The following UVRAG variants were observed in gnomAD, a reference collection of about 807,000 sequenced individuals.
UVRAG encodes UV radiation resistance-associated gene protein.
In UVRAG, 19 loss-of-function variants were observed where a neutral mutation model predicts 78.0. That is an observed-to-expected ratio of 0.24 (90% CI 0.17 to 0.36). UVRAG has a LOEUF of 0.36. UVRAG is among the 10% of genes least tolerant of loss of function. The probability of loss-of-function intolerance (pLI) is 1.00; values close to 1 mark genes in which losing one functional copy is unlikely to be tolerated. For missense variants in UVRAG, 740 were observed against 853.8 expected (o/e 0.87, Z 1.66); for synonymous variants, 323 against 324.6 (o/e 1.00, Z 0.05).
intron 13 of UVRAG, among the ~76,000 whole-genome samples, chr11:76,077,293 G>A (rs906671778): frequency 5.9e-5 from 9 of 151,688 alleles, no homozygotes; most frequent in African/African-American, 1.9e-4. Context: ...ATAACATACT[G>A]CATTTTTCTA....
chr11:75,942,055 T>C (rs1948494900), intron 6 of UVRAG: 1 of 152,190 alleles, frequency 6.6e-6, no homozygotes, highest in Non-Finnish European at 1.5e-5. Context: ...GGGTGCCAGT[T>C]ATAATTCAGT....
intron 13 of UVRAG, among the ~76,000 whole-genome samples, chr11:76,087,933 G>A (rs1415030016): frequency 6.6e-6 from 1 of 152,186 alleles, no homozygotes; most frequent in African/African-American, 2.4e-5. Flanking sequence ...GGAGCGCAGT[G>A]GTGCAATCAC....
intron 6 of UVRAG, among the ~76,000 whole-genome samples, chr11:75,923,040 CT>C (rs1195408545): frequency 1.6e-5 from 2 of 125,122 alleles, no homozygotes; most frequent in African/African-American, 3.0e-5. Flanking sequence ...TTTTCTTTTT[CT>C]TTTTCTTTTT....
chr11:75,875,716 C>G (rs1417964789), intron 3 of UVRAG, among the ~76,000 whole-genome samples: 1 of 151,556 alleles, frequency 6.6e-6, no homozygotes, highest in East Asian at 1.9e-4. Context: ...TGGCAACTTT[C>G]CCTACAGACA....
At chr11:75,981,910 C>G (rs1949403090) in intron 7 of UVRAG, among the ~76,000 whole-genome samples, 1 of 146,744 alleles carries the variant, frequency 6.8e-6, no homozygotes, top group South Asian at 2.1e-4. Flanking sequence ...CTGAGACTTT[C>G]TAGTTTTTTT....
chr11:75,998,798 G>A (rs1176104844), intron 8 of UVRAG, among the ~76,000 whole-genome samples: 1 of 152,188 alleles, frequency 6.6e-6, no homozygotes, highest in Non-Finnish European at 1.5e-5. Flanking sequence ...CTAGCTTGCA[G>A]TTTCTTCTGC....
chr11:75,994,716 G>A (rs1319765494), intron 8 of UVRAG, among the ~76,000 whole-genome samples: 4 of 152,104 alleles, frequency 2.6e-5, no homozygotes, highest in Non-Finnish European at 5.9e-5. Flanking sequence ...TTCAAACATT[G>A]GTTTCTCTTA....
chr11:76,126,828 G>T (rs1157561045), intron 14 of UVRAG, among the ~76,000 whole-genome samples: 4 of 152,110 alleles, frequency 2.6e-5, no homozygotes, highest in Non-Finnish European at 5.9e-5. Flanking sequence ...CCTCCCATAT[G>T]CTGTTTACAA....
intron 7 of UVRAG, among the ~76,000 whole-genome samples, chr11:75,975,645 A>T (rs2135252473): frequency 6.6e-6 from 1 of 152,202 alleles, no homozygotes; most frequent in East Asian, 1.9e-4. Flanking sequence ...ATGGGAGTTC[A>T]CTCATGATTT....
At chr11:75,992,550 T>C (rs1300328106) in intron 8 of UVRAG, among the ~76,000 whole-genome samples, 2 of 152,040 alleles carry the variant, frequency 1.3e-5, no homozygotes, top group African/African-American at 2.4e-5. Context: ...CCATTGCGAA[T>C]GTTTGTGGGC....
chr11:76,005,812 T>C (rs1033393074), intron 9 of UVRAG, among the ~76,000 whole-genome samples: 2 of 152,236 alleles, frequency 1.3e-5, no homozygotes, highest in Non-Finnish European at 2.9e-5. Context: ...GAGAAACATT[T>C]ACTTAACCCT....
chr11:76,054,203 C>A (rs894143188), intron 12 of UVRAG, among the ~76,000 whole-genome samples: 10 of 152,004 alleles, frequency 6.6e-5, no homozygotes, highest in Non-Finnish European at 8.8e-5. Flanking sequence ...TGCTTAGGTC[C>A]AAAACTTTGA....
rs189082987 is a variant in UVRAG at position 75,828,863 on chromosome 11, C to T, written c.117+13339C>T. Among the ~76,000 whole-genome samples, 487 of 135,452 alleles carry T rather than the reference C, an allele frequency of 3.6e-3. 2 individuals are homozygous for T. Among genetic ancestry groups the T allele is most frequent in the Non-Finnish European group, 3.9e-3 (251 of 64,960 alleles). The allele number at this position is 135,452 out of a possible 152,430, so 88.9% of individuals were successfully genotyped here. A position where few individuals can be genotyped will look rare whatever the true frequency, so the allele number is the denominator to read the frequency against. Reference sequence around the variant, plus strand: ...GCTGGGACTACAGGTGCGCATGGTGCGCGCCACCATGTCTGACTAATTTTT... The same window carrying T: ...GCTGGGACTACAGGTGCGCATGGTGTGCGCCACCATGTCTGACTAATTTTT... On this transcript the variant is annotated intron_variant, in intron 1 of 14. Transcript: ENST00000356136.
chr11:76,069,961 C>T (rs1951269441), intron 13 of UVRAG, among the ~76,000 whole-genome samples: 1 of 152,052 alleles, frequency 6.6e-6, no homozygotes, highest in African/African-American at 2.4e-5. Flanking sequence ...AGCACAATGC[C>T]AGAAACACTG....
intron 5 of UVRAG, among the ~76,000 whole-genome samples, chr11:75,892,144 C>T (rs1401543982): frequency 6.6e-6 from 1 of 152,144 alleles, no homozygotes; most frequent in Non-Finnish European, 1.5e-5. Context: ...AAGCCTGAGC[C>T]TCCAAGCCAG....
chr11:75,954,134 G>C (rs576744049), intron 6 of UVRAG, among the ~76,000 whole-genome samples: 1 of 152,092 alleles, frequency 6.6e-6, no homozygotes, highest in Non-Finnish European at 1.5e-5. Flanking sequence ...GTTTGAAAGG[G>C]GGGTGTTATT....
intron 12 of UVRAG, among the ~76,000 whole-genome samples, chr11:76,022,272 C>T (rs1480127707): frequency 6.6e-6 from 1 of 152,140 alleles, no homozygotes; most frequent in Non-Finnish European, 1.5e-5. Flanking sequence ...ATTCTGCTGT[C>T]ATTAGATGCT....
chr11:75,955,574 A>C (rs1388893794), intron 6 of UVRAG, among the ~76,000 whole-genome samples: 6 of 152,162 alleles, frequency 3.9e-5, no homozygotes, highest in Non-Finnish European at 8.8e-5. Context: ...TAAGTGTAAA[A>C]TCTGTGAGTT....
intron 3 of UVRAG, among the ~76,000 whole-genome samples, chr11:75,867,782 A>G (rs906682340): frequency 1.3e-5 from 2 of 152,216 alleles, no homozygotes; most frequent in African/African-American, 2.4e-5. Flanking sequence ...TTGATTTTTA[A>G]AAAACCTTTT....
Sources: allele counts gnomAD v4.1 joint callset (sites outside exome capture counted in the v4.1 genomes callset), GRCh38; gene constraint gnomAD v4.1.1; transcripts MANE v1.5; gene names NCBI Gene and HGNC (gene_info 2026-07-23, HGNC 2026-07-21).